The following PACRG variants were observed in gnomAD, a reference collection of about 807,000 sequenced individuals.
The protein encoded by PACRG is parkin coregulated gene protein.
A neutral mutation model predicts 29.7 loss-of-function variants in PACRG; 29 were observed. That is an observed-to-expected ratio of 0.98 (90% CI 0.73 to 1.33). The LOEUF (loss-of-function observed/expected upper bound fraction) is 1.33. Ranked by LOEUF, PACRG falls within the 40% of genes most tolerant of loss-of-function variation. The pLI is 0.00. For missense variants in PACRG, 279 were observed against 316.2 expected, an observed-to-expected ratio of 0.88 and a Z score of 0.89; for synonymous variants, 116 against 118.7, an observed-to-expected ratio of 0.98 and a Z score of 0.15.
chr6:163,149,564 C>T (rs1028843226), intron 4 of PACRG, among the ~76,000 whole-genome samples: 1 of 152,134 alleles, frequency 6.6e-6, no homozygotes, highest in Admixed American at 6.5e-5. Context: ...GACTCCTGGG[C>T]GCTTTCCCTT....
chr6:163,292,464 C>T (rs191854173), intron 4 of PACRG, among the ~76,000 whole-genome samples: 12 of 152,294 alleles, frequency 7.9e-5, no homozygotes, highest in African/African-American at 2.6e-4. Context: ...TGCAATGGCA[C>T]GATCTCGGCT....
chr6:162,884,190 T>G (rs2128023943), intron 2 of PACRG, among the ~76,000 whole-genome samples: 1 of 152,312 alleles, frequency 6.6e-6, no homozygotes, highest in South Asian at 2.1e-4. Flanking sequence ...TCTGCCTGCC[T>G]TGGCCTCCCA....
At chr6:162,969,037 A>C (rs1801298306) in intron 2 of PACRG, among the ~76,000 whole-genome samples, 1 of 100,216 alleles carries the variant, frequency 1.0e-5, no homozygotes, top group Non-Finnish European at 2.0e-5. Flanking sequence ...ACAGAGCGAG[A>C]CTCTATCACA....
At chr6:162,790,355 C>T (rs1784837169) in intron 1 of PACRG, among the ~76,000 whole-genome samples, 1 of 152,108 alleles carries the variant, frequency 6.6e-6, no homozygotes, top group South Asian at 2.1e-4. Context: ...CCACTCACCC[C>T]ACCAACCCTG....
chr6:162,727,693 G>C (rs1237871379), upstream of PACRG: 8 of 1,569,166 alleles, frequency 5.1e-6, no homozygotes, highest in South Asian at 1.2e-5. Flanking sequence ...TGGCGGCTGC[G>C]GGCCAGGAAC....
chr6:162,958,758 A>G (rs28685234), intron 2 of PACRG, among the ~76,000 whole-genome samples: 2,423 of 94,020 alleles, frequency 0.026, 77 homozygotes, highest in African/African-American at 0.086. Context: ...GTGTGTGTAT[A>G]TATATACACA....
At chr6:162,862,116 A>G (rs1791909968) in intron 2 of PACRG, among the ~76,000 whole-genome samples, 6 of 152,330 alleles carry the variant, frequency 3.9e-5, no homozygotes, top group Admixed American at 3.9e-4. Context: ...CCTCTAGGAC[A>G]GTCCACGGGA....
chr6:162,903,209 C>G (rs189402138), intron 2 of PACRG, among the ~76,000 whole-genome samples: 1 of 152,242 alleles, frequency 6.6e-6, no homozygotes, highest in East Asian at 1.9e-4. Flanking sequence ...GACCCACCCC[C>G]GACCATCTGA....
chr6:162,807,714 G>A (rs370459146), intron 1 of PACRG, among the ~76,000 whole-genome samples: 6 of 152,042 alleles, frequency 3.9e-5, no homozygotes, highest in African/African-American at 1.4e-4. Context: ...AATAGTACCA[G>A]GATTACCAAA....
At chr6:163,297,495 C>T (rs1351436009) in intron 4 of PACRG, among the ~76,000 whole-genome samples, 7 of 152,132 alleles carry the variant, frequency 4.6e-5, no homozygotes, top group Admixed American at 3.9e-4. Flanking sequence ...ACCTAGTGAG[C>T]TATCTCTTAT....
chr6:162,813,585 A>G (rs116791128), intron 1 of PACRG, among the ~76,000 whole-genome samples: 1,561 of 152,248 alleles, frequency 0.01, 37 homozygotes, highest in African/African-American at 0.035. Flanking sequence ...TACCAAATGT[A>G]TGCTGTACAC....
At chr6:163,083,298 T>C (rs1230600850) in intron 3 of PACRG, among the ~76,000 whole-genome samples, 1 of 152,192 alleles carries the variant, frequency 6.6e-6, no homozygotes, top group Non-Finnish European at 1.5e-5. Context: ...GAGAGGCTCA[T>C]CTGAAACTCA....
chr6:163,241,795 G>C (rs375662108), intron 4 of PACRG, among the ~76,000 whole-genome samples: 9 of 152,276 alleles, frequency 5.9e-5, no homozygotes, highest in African/African-American at 2.2e-4. Flanking sequence ...GGAAAACCAG[G>C]TGAATGAGAG....
intron 2 of PACRG, among the ~76,000 whole-genome samples, chr6:163,047,130 G>T: frequency 6.6e-6 from 1 of 152,168 alleles, no homozygotes; most frequent in Admixed American, 6.5e-5. Flanking sequence ...TAATACCAGT[G>T]GTGAAAGCCA....
At chr6:162,763,619 A>G (rs1462075546) in intron 1 of PACRG, among the ~76,000 whole-genome samples, 1 of 152,182 alleles carries the variant, frequency 6.6e-6, no homozygotes, top group Non-Finnish European at 1.5e-5. Context: ...TTGATAAGCT[A>G]ATAATTGTGT....
intron 2 of PACRG, among the ~76,000 whole-genome samples, chr6:163,012,739 A>G (rs1356171174): frequency 1.3e-5 from 2 of 152,210 alleles, no homozygotes; most frequent in African/African-American, 4.8e-5. Flanking sequence ...TTCTCTAGTT[A>G]TGGGACTACC....
chr6:162,958,880 TATATAGAGAG>T (rs1181333267), intron 2 of PACRG, among the ~76,000 whole-genome samples: 29 of 16,470 alleles, frequency 1.8e-3, no homozygotes, highest in East Asian at 5.5e-3. Context: ...TATATATATA[TATATAGAGAG>T]AGAGAGAGAG....
chr6:162,986,645 G>C (rs1359786333), intron 2 of PACRG, among the ~76,000 whole-genome samples: 1 of 152,100 alleles, frequency 6.6e-6, no homozygotes, highest in Non-Finnish European at 1.5e-5. Flanking sequence ...CTAGATATTG[G>C]GTTAAGCAAA....
chr6:163,226,482 T>C (rs1781804838), intron 4 of PACRG, among the ~76,000 whole-genome samples: 1 of 152,236 alleles, frequency 6.6e-6, no homozygotes, highest in African/African-American at 2.4e-5. Flanking sequence ...ATATAGTTTT[T>C]ATTTGTCAGT....
Sources: gnomAD v4.1 joint callset for allele counts (sites outside exome capture counted in the v4.1 genomes callset) on GRCh38, gnomAD v4.1.1 for gene constraint, MANE v1.5 for transcripts, NCBI Gene and HGNC (gene_info 2026-07-23, HGNC 2026-07-21) for gene names.